ITPK1: variants seen among roughly 807,000 people sequenced by gnomAD.
ITPK1 encodes the protein inositol-tetrakisphosphate 1-kinase.
ITPK1 carries 21 observed loss-of-function variants against 45.3 expected under a neutral mutation model. That is an observed-to-expected ratio of 0.46 (90% CI 0.33 to 0.67). The LOEUF (loss-of-function observed/expected upper bound fraction) is 0.67, where lower values mean the gene tolerates loss of function less well. ITPK1 is among the 30% of genes least tolerant of loss of function. The pLI is 0.02. For synonymous variants in ITPK1, 258 were observed against 253.6 expected (o/e 1.02, Z -0.16); for missense variants, 474 against 573.5 (o/e 0.83, Z 1.77).
intron 8 of ITPK1, among the ~76,000 whole-genome samples, chr14:92,953,527 G>A (rs575076579): frequency 6.6e-6 from 1 of 152,372 alleles, no homozygotes; most frequent in East Asian, 1.9e-4. Context: ...GGGGAACGCT[G>A]CCCACCTTCT....
intron 3 of ITPK1, among the ~76,000 whole-genome samples, chr14:93,027,185 T>C (rs1340433008): frequency 6.6e-6 from 1 of 152,170 alleles, no homozygotes; most frequent in East Asian, 1.9e-4. Context: ...CCAGGGGGCT[T>C]GTGGGATCAG....
At chr14:93,006,561 C>T (rs1400662046) in intron 4 of ITPK1, among the ~76,000 whole-genome samples, 2 of 152,182 alleles carry the variant, frequency 1.3e-5, no homozygotes, top group East Asian at 3.9e-4. Context: ...AAGGTGGGTG[C>T]TACCCACAAT....
chr14:93,066,429 C>T (rs1428672021), intron 3 of ITPK1: 5 of 336,840 alleles, frequency 1.5e-5, no homozygotes, highest in Admixed American at 8.0e-5. Flanking sequence ...TTTTTTGAGA[C>T]GGAGTCTTGC....
intron 2 of ITPK1, among the ~76,000 whole-genome samples, chr14:93,088,600 C>T (rs1055531014): frequency 6.6e-6 from 1 of 152,080 alleles, no homozygotes; most frequent in African/African-American, 2.4e-5. Context: ...AAGTGATCTG[C>T]CTGCCTTGGC....
chr14:92,980,499 T>C lies in ITPK1; in HGVS notation c.364+13381A>G, dbSNP rs1409073108. Reference sequence around the variant, plus strand: ...GACCATCTCTATTCCTGGTGATAACTTGGCCTTTCTTACCTGCCTGGCCTT... The same window carrying C: ...GACCATCTCTATTCCTGGTGATAACCTGGCCTTTCTTACCTGCCTGGCCTT... On this transcript the variant is annotated intron_variant, in intron 5 of 10. Transcript: ENST00000267615. Among the ~76,000 whole-genome samples, 8 of 152,302 alleles carry C rather than the reference T, an allele frequency of 5.3e-5. 1 individual carries two copies. The Middle Eastern group carries it at 0.01, about 194-fold the overall frequency.
rs140165219 is a variant in ITPK1, at chr14:93,100,785, G to C, written c.95+14284C>G. Among the ~76,000 whole-genome samples the C allele has an allele frequency of 1.7e-3, 259 of 152,210 alleles. 1 individual carries two copies. The highest frequency in any genetic ancestry group is 4.8e-3 in the Admixed American group (74 of 15,284). On this transcript the variant is annotated intron_variant, in intron 2 of 10. Coordinates refer to ENST00000267615, the MANE Select transcript of ITPK1 (RefSeq NM_014216.6). ...CTTACTGCTCAGATCATTAGCTGAC[G>C]AGACCCCAATGACTCATCACATCTG... is the stretch of plus-strand genomic sequence containing the variant.
At chr14:93,077,999 G>A (rs1283796028) in intron 2 of ITPK1, among the ~76,000 whole-genome samples, 1 of 152,212 alleles carries the variant, frequency 6.6e-6, no homozygotes, top group East Asian at 1.9e-4. Flanking sequence ...CAAGCTCCTT[G>A]GAGCAGGGAC....
chr14:93,008,647 G>T (rs1034738286), intron 4 of ITPK1, among the ~76,000 whole-genome samples: 1 of 152,198 alleles, frequency 6.6e-6, no homozygotes, highest in African/African-American at 2.4e-5. Context: ...TTACCCGGCC[G>T]GCTGTGCTCT....
At chr14:92,962,987 C>A in intron 5 of ITPK1, 138 bp from the exon 6 acceptor site, 1 of 586,362 alleles carries the variant, frequency 1.7e-6, no homozygotes, top group Non-Finnish European at 3.0e-6. Context: ...CCTCTGCAGT[C>A]CCATGTGCTC....
At chr14:92,998,177 CATCATGGAG>C (rs1363844285) in intron 4 of ITPK1, among the ~76,000 whole-genome samples, 1 of 152,212 alleles carries the variant, frequency 6.6e-6, no homozygotes, top group Non-Finnish European at 1.5e-5. Context: ...CTGCTGTGGG[CATCATGGAG>C]ATCATGGATG....
chr14:93,075,326 C>CAAAAAAAAAAAAA (rs58089863), intron 3 of ITPK1, among the ~76,000 whole-genome samples: 1 of 53,960 alleles, frequency 1.9e-5, no homozygotes, highest in Non-Finnish European at 3.3e-5. Flanking sequence ...GACTCCTTCT[C>CAAAAAAAAAAAAA]AAAAAAAAAA....
chr14:92,971,448 C>T (rs918692069), intron 5 of ITPK1, among the ~76,000 whole-genome samples: 26 of 152,230 alleles, frequency 1.7e-4, no homozygotes, highest in African/African-American at 4.8e-4. Context: ...CCAGCAGATG[C>T]TGAGGATGGG....
intron 3 of ITPK1, among the ~76,000 whole-genome samples, chr14:93,061,203 C>T (rs1890504741): frequency 1.3e-5 from 2 of 152,248 alleles, no homozygotes; most frequent in South Asian, 4.1e-4. Flanking sequence ...CAACACAGAT[C>T]TGGGGCCAGG....
At chr14:92,944,966 T>C (rs369918819) in intron 10 of ITPK1, among the ~76,000 whole-genome samples, 2 of 152,178 alleles carry the variant, frequency 1.3e-5, no homozygotes, top group South Asian at 4.1e-4. Flanking sequence ...CTCCCCTGAC[T>C]CTGTCCTCCA....
chr14:93,089,881 C>T (rs1469319189), intron 2 of ITPK1, among the ~76,000 whole-genome samples: 1 of 152,196 alleles, frequency 6.6e-6, no homozygotes, highest in East Asian at 1.9e-4. Context: ...TGCCACCAAG[C>T]CAAAGCCAAG....
intron 2 of ITPK1, among the ~76,000 whole-genome samples, chr14:93,095,191 C>T (rs1388926065): frequency 6.6e-6 from 1 of 152,082 alleles, no homozygotes; most frequent in East Asian, 1.9e-4. Flanking sequence ...ACCTACATAC[C>T]ACCACCACCA....
chr14:93,019,346 T>TG (rs1198733002), intron 3 of ITPK1, among the ~76,000 whole-genome samples: 1 of 152,208 alleles, frequency 6.6e-6, no homozygotes, highest in Non-Finnish European at 1.5e-5. Flanking sequence ...TGTCCTCCCC[T>TG]GGCATCAGCC....
At position 92,939,745 on chromosome 14, in the gene ITPK1, A is replaced by C; in HGVS notation, c.*1816T>G. ...CGCTGCACACCCCCACCCGTACCTG[A>C]GGCAGACTGGGATTGAAATTTTATT... On this transcript the variant is annotated 3_prime_UTR_variant, in exon 11 of 11. Transcript: ENST00000267615. The C allele has an allele frequency of 1.0e-6, 1 of 985,582 alleles. No individual in the cohort carries two copies. The highest frequency in any genetic ancestry group is 1.7e-5 in the African/African-American group (1 of 57,350). The allele number at this position is 985,582 out of a possible 1,614,324, so 61.1% of individuals were successfully genotyped here.
chr14:92,977,069 C>G (rs936848685), intron 5 of ITPK1, among the ~76,000 whole-genome samples: 6 of 152,232 alleles, frequency 3.9e-5, no homozygotes, highest in African/African-American at 1.4e-4. Flanking sequence ...ATTTCCTGAT[C>G]TGTAAAATGG....
Sources: gnomAD v4.1 joint callset for allele counts (sites outside exome capture counted in the v4.1 genomes callset) on GRCh38, gnomAD v4.1.1 for gene constraint, MANE v1.5 for transcripts, NCBI Gene and HGNC (gene_info 2026-07-23, HGNC 2026-07-21) for gene names.